KSR2: variants seen among roughly 807,000 people sequenced by gnomAD.
The protein encoded by KSR2 is kinase suppressor of ras 2.
Under a neutral mutation model 107.8 loss-of-function variants are expected in KSR2, and 25 were observed. The ratio of observed to expected loss-of-function variants is 0.23; its 90% CI spans 0.17 to 0.32. The LOEUF is 0.32. Ranked by LOEUF, KSR2 falls within the 10% of genes least tolerant of loss-of-function variation. KSR2 has a pLI of 1.00. For synonymous variants in KSR2, 480 were observed against 507.0 expected (o/e 0.95, Z 0.71); for missense variants, 887 against 1,268.9 (o/e 0.70, Z 4.57).
chr12:117,786,208 A>G lies in KSR2; in HGVS notation c.473-24684T>C, dbSNP rs530425670. On this transcript the variant is annotated intron_variant, in intron 3 of 19. Transcript: ENST00000339824. ...TTTTGACATTTATTCCATTTTAACA[A>G]CATTTAAGAAAGAAGTATATTTTTT... Among the ~76,000 whole-genome samples, 8 of 152,356 alleles carry G rather than the reference A, an allele frequency of 5.3e-5. No homozygotes were observed. The South Asian group carries it at 1.4e-3, about 28-fold the overall frequency.
rs1157632443 is a variant in KSR2, at chr12:117,460,719, T to A, written c.*6480A>T. The A allele has an allele frequency of 6.6e-6, 1 of 152,144 alleles. No individual in the cohort carries two copies. Among genetic ancestry groups the A allele is most frequent in the Non-Finnish European group, 1.5e-5 (1 of 68,052 alleles). The allele number at this position is 152,144 out of a possible 1,614,324, so 9.4% of individuals were successfully genotyped here. On this transcript the variant is annotated 3_prime_UTR_variant, in exon 20 of 20. Transcript: ENST00000339824. Reference sequence around the variant, plus strand: ...ATGAACCCCTTGACCTGGAGGTGGGTTCCTGGGAATGGATGAGCCCAAAGA... The same window carrying A: ...ATGAACCCCTTGACCTGGAGGTGGGATCCTGGGAATGGATGAGCCCAAAGA...
At chr12:117,794,055 TACCAACATGCACACATAC>T (rs1890454191) in intron 3 of KSR2, among the ~76,000 whole-genome samples, 1 of 53,342 alleles carries the variant, frequency 1.9e-5, no homozygotes, top group Admixed American at 2.9e-4. Context: ...TGCACACTCG[TACCAACATGCACACATAC>T]ACCAACATGC....
intron 1 of KSR2, among the ~76,000 whole-genome samples, chr12:117,941,255 T>C (rs748119594): frequency 1.3e-5 from 2 of 151,994 alleles, no homozygotes; most frequent in Non-Finnish European, 2.9e-5. Context: ...AACATTCCAC[T>C]TCTGCCCCAT....
chr12:117,672,916 A>T (rs766434752), intron 4 of KSR2, among the ~76,000 whole-genome samples: 70 of 152,258 alleles, frequency 4.6e-4, no homozygotes, highest in Admixed American at 1.6e-3. Flanking sequence ...GGCGTGGGCC[A>T]CTGCGCCTGG....
chr12:117,691,997 G>T (rs1885834433), intron 4 of KSR2, among the ~76,000 whole-genome samples: 1 of 152,170 alleles, frequency 6.6e-6, no homozygotes, highest in African/African-American at 2.4e-5. Context: ...AGACCTGGCT[G>T]GCAACAAGTC....
rs1566077177 is a variant in KSR2, at chr12:117,907,776, G to T, written c.181-47345C>A. Among the ~76,000 whole-genome samples the T allele has an allele frequency of 6.7e-6, 1 of 149,304 alleles. No homozygotes were observed. The highest frequency in any genetic ancestry group is 1.5e-5 in the Non-Finnish European group (1 of 67,148). ...ATTGTAACCACGTCAATTTTTTTAG[G>T]TTTTTTTTTTCTTTTTTCTTCCTAT... On this transcript the variant is annotated intron_variant, in intron 1 of 19. Coordinates refer to ENST00000339824, the MANE Select transcript of KSR2 (RefSeq NM_173598.6). This position sits in a 1 kb window ranked among gnomAD's most constrained non-coding sequence, Gnocchi z 4.3.
At chr12:117,828,211 G>C (rs757606787) in intron 3 of KSR2, among the ~76,000 whole-genome samples, 2 of 152,080 alleles carry the variant, frequency 1.3e-5, no homozygotes, top group African/African-American at 2.4e-5. Flanking sequence ...GTAACACTTG[G>C]GAAGTGTCAC....
intron 3 of KSR2, among the ~76,000 whole-genome samples, chr12:117,764,699 A>T (rs938580069): frequency 6.6e-6 from 1 of 152,202 alleles, no homozygotes; most frequent in African/African-American, 2.4e-5. Flanking sequence ...CCAGTGAGTA[A>T]GAGAGTCAAC....
intron 4 of KSR2, among the ~76,000 whole-genome samples, chr12:117,687,959 T>C (rs1885644516): frequency 6.6e-6 from 1 of 152,162 alleles, no homozygotes; most frequent in Non-Finnish European, 1.5e-5. Context: ...TCCTGAGAGT[T>C]ATCCCATAAT....
chr12:117,673,296 AGAGGATGG>A (rs1884990628), intron 4 of KSR2, among the ~76,000 whole-genome samples: 1 of 152,150 alleles, frequency 6.6e-6, no homozygotes, highest in Non-Finnish European at 1.5e-5. Flanking sequence ...TGAAGGACAG[AGAGGATGG>A]GAGGATGGGA....
chr12:117,674,249 A>AATG (rs775679310), intron 4 of KSR2: 2 of 497,104 alleles, frequency 4.0e-6, no homozygotes, highest in South Asian at 1.5e-5. Context: ...CTCTAGCCCC[A>AATG]ATGTTCTGGT....
At chr12:117,807,527 C>T (rs1172070246) in intron 3 of KSR2, among the ~76,000 whole-genome samples, 1 of 152,186 alleles carries the variant, frequency 6.6e-6, no homozygotes, top group Admixed American at 6.5e-5. Context: ...ATTCTACAAG[C>T]AAGTTTGCAA....
chr12:117,646,097 G>A (rs1883624513), intron 5 of KSR2, among the ~76,000 whole-genome samples: 2 of 152,092 alleles, frequency 1.3e-5, no homozygotes, highest in Non-Finnish European at 2.9e-5. Context: ...CAATGTAAAT[G>A]TTATGTACAT....
At chr12:117,967,042 A>C (rs754678045) in intron 1 of KSR2, among the ~76,000 whole-genome samples, 3 of 152,190 alleles carry the variant, frequency 2.0e-5, no homozygotes, top group Non-Finnish European at 4.4e-5. Flanking sequence ...TTGGTTTGGG[A>C]GAAGGAAGTG....
chr12:117,656,609 A>T (rs1884168044), intron 5 of KSR2, among the ~76,000 whole-genome samples: 1 of 152,170 alleles, frequency 6.6e-6, no homozygotes, highest in South Asian at 2.1e-4. Context: ...AGTGAAACTG[A>T]ATCTAAAAAA....
chr12:117,645,881 G>A (rs879725891), intron 5 of KSR2, among the ~76,000 whole-genome samples: 5,573 of 144,132 alleles, frequency 0.039, 194 homozygotes, highest in South Asian at 0.14. Flanking sequence ...GTGTGTGTGT[G>A]TGTGTGTGTG....
chr12:117,573,286 A>G (rs569037599), intron 7 of KSR2, among the ~76,000 whole-genome samples: 1 of 152,328 alleles, frequency 6.6e-6, no homozygotes, highest in East Asian at 1.9e-4. Flanking sequence ...ATTAGCTTAC[A>G]TTAATTAAAC....
intron 5 of KSR2, among the ~76,000 whole-genome samples, chr12:117,608,991 A>C (rs532145804): frequency 8.9e-4 from 135 of 152,268 alleles, no homozygotes; most frequent in Non-Finnish European, 1.6e-3. Context: ...TTCTGTCCAC[A>C]GGTAGCAGCC....
In KSR2 at chr12:117,667,456, C is replaced by T. The variant is rs896401870; in HGVS notation, c.1171+18G>A. ...GGCATGGCAAGCGTTCCCAGTGCAG[C>T]CCGGCAGGGTGACTTACTTGCAGAG... On this transcript the variant is annotated intron_variant, in intron 5 of 19. Coordinates refer to ENST00000339824, the MANE Select transcript of KSR2 (RefSeq NM_173598.6). 6.2e-7 allele frequency: 1 copy of T among 1,603,640 alleles called. No individual in the cohort carries two copies. The highest frequency in any genetic ancestry group is 1.3e-5 in the African/African-American group (1 of 74,838).
Sources: gnomAD v4.1 joint callset for allele counts (sites outside exome capture counted in the v4.1 genomes callset) on GRCh38, gnomAD v4.1.1 for gene constraint, Gnocchi (gnomAD v3.1) non-coding constraint, MANE v1.5 for transcripts, NCBI Gene and HGNC (gene_info 2026-07-23, HGNC 2026-07-21) for gene names.